The following TWF1 variants were observed in gnomAD, a reference collection of about 807,000 sequenced individuals.
TWF1 encodes the protein twinfilin actin binding protein 1, also known as twinfilin-1.
In TWF1, 14 loss-of-function variants were observed where a neutral mutation model predicts 47.9. The observed-to-expected ratio is 0.29, with a 90% CI of 0.19 to 0.46. TWF1 has a LOEUF of 0.46. Among genes scored for constraint, TWF1 ranks in the 20% least tolerant of loss-of-function variants. The pLI is 1.00. For missense variants in TWF1, 281 were observed against 409.3 expected (o/e 0.69, Z 2.70); for synonymous variants, 96 against 139.2 (o/e 0.69, Z 2.18).
chr12:43,796,014 C>G (rs1281096657), intron 8 of TWF1, among the ~76,000 whole-genome samples: 1 of 152,150 alleles, frequency 6.6e-6, no homozygotes, highest in Non-Finnish European at 1.5e-5. Context: ...GAAGCCACCA[C>G]TACATTCTCA....
At chr12:43,797,170 T>C in intron 7 of TWF1, 73 bp from the exon 8 acceptor site, 1 of 1,493,962 alleles carries the variant, frequency 6.7e-7, no homozygotes, top group South Asian at 1.3e-5. Flanking sequence ...ATATATAAAC[T>C]TCATAAAAAC....
At chr12:43,805,890 G>A (rs749914493) in intron 1 of TWF1, 3 of 1,459,650 alleles carry the variant, frequency 2.1e-6, no homozygotes, top group Non-Finnish European at 2.7e-6. Flanking sequence ...TCTTCCCTAC[G>A]TGACCAAAAG....
chr12:43,806,044 CA>C (rs942614803), intron 1 of TWF1, 176 bp downstream of exon 1: 24 of 1,519,216 alleles, frequency 1.6e-5, no homozygotes, highest in Non-Finnish European at 2.0e-5. Context: ...GAGGAGGACG[CA>C]GGCCGGCAGC....
chr12:43,805,855 C>T (rs772207364), intron 1 of TWF1: 1 of 1,415,472 alleles, frequency 7.1e-7, no homozygotes, highest in Non-Finnish European at 9.4e-7. Context: ...CGTACTGAAG[C>T]CCCAGTCGCC....
intron 8 of TWF1, among the ~76,000 whole-genome samples, 193 bp from the exon 9 acceptor site, chr12:43,795,948 T>A (rs1942542201): frequency 6.6e-6 from 1 of 152,192 alleles, no homozygotes; most frequent in Non-Finnish European, 1.5e-5. Flanking sequence ...ATCAGCTACA[T>A]TCACTTCCTT....
At chr12:43,805,586 T>G (rs1403144242) in intron 1 of TWF1, 1 of 468,374 alleles carries the variant, frequency 2.1e-6, no homozygotes, top group South Asian at 1.5e-5. Flanking sequence ...CATATTGAAC[T>G]GTCTGCACGC....
At chr12:43,795,845 C>T in intron 8 of TWF1, 90 bp from the exon 9 acceptor site, 3 of 1,299,798 alleles carry the variant, frequency 2.3e-6, no homozygotes, top group East Asian at 2.3e-5. Context: ...ACAAATAATA[C>T]CCTTTCCAGT....
At chr12:43,799,309 T>A in intron 5 of TWF1, 89 bp downstream of exon 5, 3 of 821,990 alleles carry the variant, frequency 3.6e-6, no homozygotes, top group Non-Finnish European at 5.6e-6. Flanking sequence ...ACTTCTTTAA[T>A]CTCTAGTTAT....
In TWF1 at chr12:43,798,544, A is replaced by G. The variant is rs544408350; in HGVS notation, c.484-711T>C. 1.6e-5 allele frequency: 25 copies of G among 1,517,072 alleles called. No individual in the cohort carries two copies. The East Asian group carries it at 5.9e-4, about 36-fold the overall frequency. The allele number at this position is 1,517,072 out of a possible 1,614,324, so 94.0% of individuals were successfully genotyped here. A position where few individuals can be genotyped will look rare whatever the true frequency, so the allele number is the denominator to read the frequency against. On this transcript the variant is annotated intron_variant, in intron 5 of 8. Transcript: ENST00000395510. ...TGATATTGGTTAATGAAAACATCAT[A>G]GAACATATGCGAATGCATACCCCAA...
chr12:43,797,984 G>T, intron 5 of TWF1, 151 bp from the exon 6 acceptor site: 1 of 773,174 alleles, frequency 1.3e-6, no homozygotes, highest in Non-Finnish European at 2.0e-6. Context: ...GGTCCTGCTA[G>T]CATTTTGTCA....
intron 2 of TWF1, among the ~76,000 whole-genome samples, chr12:43,803,568 A>C (rs1401914839): frequency 6.6e-6 from 1 of 152,112 alleles, no homozygotes; most frequent in African/African-American, 2.4e-5. Flanking sequence ...AAGTAGTGCC[A>C]TTTTCCTTCC....
chr12:43,804,048 A>G (rs923172714), intron 2 of TWF1: 1 of 206,084 alleles, frequency 4.9e-6, no homozygotes, highest in African/African-American at 2.3e-5. Context: ...AGAAAGGGAA[A>G]TGATCATTTC....
At chr12:43,801,338 A>G (rs1942657995) in intron 3 of TWF1, among the ~76,000 whole-genome samples, 1 of 152,204 alleles carries the variant, frequency 6.6e-6, no homozygotes, top group Admixed American at 6.5e-5. Flanking sequence ...CCAATTAACA[A>G]ATAATTTCAT....
At chr12:43,801,073 T>G (rs534820956) in intron 3 of TWF1, among the ~76,000 whole-genome samples, 2 of 152,154 alleles carry the variant, frequency 1.3e-5, no homozygotes, top group East Asian at 3.9e-4. Context: ...CTGAAAAAAA[T>G]ATAAATTGTT....
At chr12:43,805,866 T>C in intron 1 of TWF1, 1 of 1,430,748 alleles carries the variant, frequency 7.0e-7, no homozygotes. Flanking sequence ...CCCAGTCGCC[T>C]CCACTGTCCC....
In TWF1 at chr12:43,798,416, T is replaced by C. The variant is rs1942595234; in HGVS notation, c.484-583A>G. 7.5e-6 allele frequency: 5 copies of C among 666,336 alleles called. No individual in the cohort carries two copies. In the East Asian group the frequency reaches 9.6e-5, roughly 13 times the overall value. 41.3% of individuals were successfully genotyped at this position (666,336 alleles called of 1,614,324 possible). On this transcript the variant is annotated intron_variant, in intron 5 of 8. Coordinates refer to ENST00000395510, the MANE Select transcript of TWF1 (RefSeq NM_002822.5). The stretch of plus-strand genomic sequence containing the variant: ...TGCACATGTTTAAGATTTTTATACT[T>C]GATAAATGATAGCTAGTAGAGAGTC...
At chr12:43,797,205 C>T (rs1942568759) in intron 7 of TWF1, 97 bp downstream of exon 7, 8 of 1,473,918 alleles carry the variant, frequency 5.4e-6, no homozygotes, top group East Asian at 2.3e-5. Context: ...CATAAAACTA[C>T]AGCTAAGCCC....
intron 1 of TWF1, chr12:43,805,792 T>C (rs1423034910): frequency 1.5e-6 from 2 of 1,357,712 alleles, no homozygotes; most frequent in Admixed American, 1.9e-5. Context: ...ATCAAAGTCC[T>C]GTAATATTCT....
chr12:43,798,451 G>A (rs1942596321), intron 5 of TWF1: 1 of 977,222 alleles, frequency 1.0e-6, no homozygotes, highest in South Asian at 1.8e-5. Flanking sequence ...CTCATTCGCA[G>A]TGTTGCAACA....
Sources: allele counts gnomAD v4.1 joint callset (sites outside exome capture counted in the v4.1 genomes callset), GRCh38; gene constraint gnomAD v4.1.1; transcripts MANE v1.5; gene names NCBI Gene and HGNC (gene_info 2026-07-23, HGNC 2026-07-21).